Variants in LRP2 observed in about 807,000 individuals in gnomAD.
LRP2 encodes LDL receptor related protein 2.
LRP2 carries 172 observed loss-of-function variants against 531.0 expected under a neutral mutation model. That is an observed-to-expected ratio of 0.32 (90% CI 0.29 to 0.37). The LOEUF (loss-of-function observed/expected upper bound fraction) is 0.37. LRP2 is among the 10% of genes least tolerant of loss of function. The pLI, the probability that LRP2 is intolerant of heterozygous loss-of-function variation, is 1.00. For missense variants in LRP2, 5,167 were observed against 5,868.3 expected (o/e 0.88, Z 3.90); for synonymous variants, 1,992 against 2,027.6 (o/e 0.98, Z 0.47).
chr2:169,327,069 A>C (rs1030443589), intron 1 of LRP2, among the ~76,000 whole-genome samples: 40 of 117,284 alleles, frequency 3.4e-4, no homozygotes, highest in African/African-American at 8.0e-4. Flanking sequence ...GCAGCCGCCC[A>C]GTCCGGGAGG....
rs755703773 is a variant in LRP2 at position 169,150,977 on chromosome 2, G to C, written c.12511C>G (p.Leu4171Val). 5 of 1,613,968 alleles carry C rather than the reference G, an allele frequency of 3.1e-6. No homozygotes were observed. The highest frequency in any genetic ancestry group is 1.3e-5 in the African/African-American group (1 of 74,924). ...AGCCACTTTCTGTACCTTCCATCAA[G>C]TTTAGCCACCTCAATGCGTTTATTC... ...VKNKRIEVAK[L>V]DGRYRKWLIS... The change falls in exon 68 of 79, where the codon CTT becomes GTT. Residue 4171 changes from leucine (L) to valine (V), a missense_variant. Physicochemically the swap from Leu to Val is conservative, Grantham distance 32. Transcript: ENST00000649046.
chr2:169,220,677 G>T, intron 33 of LRP2, 114 bp from the exon 34 acceptor site: 1 of 715,300 alleles, frequency 1.4e-6, no homozygotes, highest in Non-Finnish European at 2.5e-6. Flanking sequence ...AGGGATGGAT[G>T]AGAGAGGATT....
chr2:169,159,561 G>T (rs1328342839), intron 63 of LRP2, among the ~76,000 whole-genome samples: 1 of 151,960 alleles, frequency 6.6e-6, no homozygotes, highest in Non-Finnish European at 1.5e-5. Context: ...CATCTATTTA[G>T]ATTTTCTATT....
At chr2:169,223,061 T>C (rs1272832692) in intron 33 of LRP2, among the ~76,000 whole-genome samples, 2 of 152,206 alleles carry the variant, frequency 1.3e-5, no homozygotes, top group Admixed American at 1.3e-4. Flanking sequence ...AAAATGTTTA[T>C]TCATCTTAGG....
intron 29 of LRP2, among the ~76,000 whole-genome samples, chr2:169,234,349 A>T (rs1689524178): frequency 6.6e-6 from 1 of 151,786 alleles, no homozygotes; most frequent in African/African-American, 2.4e-5. Context: ...CCCTGTGTCC[A>T]TGTGTTCTCA....
intron 58 of LRP2, among the ~76,000 whole-genome samples, chr2:169,171,683 C>A (rs1242232070): frequency 6.6e-6 from 1 of 152,142 alleles, no homozygotes; most frequent in East Asian, 1.9e-4. Context: ...TATTTCTATT[C>A]TATTTATCTT....
chr2:169,296,354 C>T (rs894754168), intron 4 of LRP2, among the ~76,000 whole-genome samples: 1 of 151,972 alleles, frequency 6.6e-6, no homozygotes, highest in Non-Finnish European at 1.5e-5. Context: ...CAAAAGTGAG[C>T]CAGTGCCTAG....
chr2:169,361,882 G>T (rs1457703649), intron 1 of LRP2, among the ~76,000 whole-genome samples: 2 of 152,158 alleles, frequency 1.3e-5, no homozygotes, highest in Non-Finnish European at 2.9e-5. Context: ...CTGGGCGCGC[G>T]AAGGGATCCC....
intron 18 of LRP2, 76 bp from the exon 19 acceptor site, chr2:169,256,312 A>C: frequency 8.3e-7 from 1 of 1,204,330 alleles, no homozygotes; most frequent in Non-Finnish European, 1.2e-6. Flanking sequence ...GCATCCAAAA[A>C]CAGTAGGGTC....
Position 169,209,446 on chromosome 2 carries a change from T to G in LRP2, c.6469+7A>C. The G allele has an allele frequency of 6.2e-7, 1 of 1,613,454 alleles. No individual in the cohort carries two copies. The highest frequency in any genetic ancestry group is 1.1e-5 in the South Asian group (1 of 91,068). ...AACATATTAAAATCACCATATAGCT[T>G]ACATACCTGCTACCCAATCCACTGC... is the stretch of plus-strand genomic sequence containing the variant. On this transcript the variant is annotated splice_region_variant and intron_variant, in intron 38 of 78. Transcript: ENST00000649046.
chr2:169,348,318 G>A (rs1396285888), intron 1 of LRP2, among the ~76,000 whole-genome samples: 1 of 152,180 alleles, frequency 6.6e-6, no homozygotes, highest in African/African-American at 2.4e-5. Flanking sequence ...AATGGGGACT[G>A]AGATGAGGGA....
intron 19 of LRP2, among the ~76,000 whole-genome samples, chr2:169,250,992 A>G (rs994797471): frequency 6.6e-4 from 16 of 24,102 alleles, no homozygotes; most frequent in Non-Finnish European, 9.3e-4. Context: ...TCATAAAGCA[A>G]GTCCTCAGTG....
intron 1 of LRP2, among the ~76,000 whole-genome samples, chr2:169,327,692 A>C (rs1373169084): frequency 5.0e-5 from 4 of 80,326 alleles, no homozygotes; most frequent in Admixed American, 1.3e-4. Flanking sequence ...CAGCCGACCC[A>C]TCCGGGAGGG....
intron 12 of LRP2, among the ~76,000 whole-genome samples, chr2:169,278,603 G>A (rs1683618539): frequency 2.0e-5 from 3 of 152,112 alleles, no homozygotes; most frequent in Admixed American, 6.6e-5. Flanking sequence ...AAGCTATCAA[G>A]CCATTTTGCT....
At chr2:169,164,381 G>T (rs1383728554) in intron 62 of LRP2, among the ~76,000 whole-genome samples, 1 of 152,228 alleles carries the variant, frequency 6.6e-6, no homozygotes, top group African/African-American at 2.4e-5. Flanking sequence ...TTGGGAAGGG[G>T]TTAAGGGTGT....
chr2:169,338,726 T>C (rs1192588062), intron 1 of LRP2, among the ~76,000 whole-genome samples: 1 of 152,268 alleles, frequency 6.6e-6, no homozygotes, highest in Non-Finnish European at 1.5e-5. Context: ...AAAGTCTGAA[T>C]AGCCAGATGC....
At chr2:169,146,020 T>G in intron 69 of LRP2, 97 bp from the exon 70 acceptor site, 1 of 1,109,350 alleles carries the variant, frequency 9.0e-7, no homozygotes, top group Non-Finnish European at 1.3e-6. Context: ...TCATTCTGCT[T>G]GAATTATTCC....
chr2:169,218,381 T>C (rs1409152088), intron 34 of LRP2, among the ~76,000 whole-genome samples: 1 of 152,142 alleles, frequency 6.6e-6, no homozygotes, highest in Non-Finnish European at 1.5e-5. Flanking sequence ...CCAAATGATA[T>C]CTCTTCCACC....
chr2:169,267,361 C>G (rs1683243508), intron 16 of LRP2, among the ~76,000 whole-genome samples: 1 of 152,072 alleles, frequency 6.6e-6, no homozygotes, highest in African/African-American at 2.4e-5. Context: ...GGAAGTAAAG[C>G]ACTCCTCAGC....
Sources: allele counts gnomAD v4.1 joint callset (sites outside exome capture counted in the v4.1 genomes callset), GRCh38; gene constraint gnomAD v4.1.1; transcripts MANE v1.5; gene names NCBI Gene and HGNC (gene_info 2026-07-23, HGNC 2026-07-21).